ART1: variants seen among roughly 807,000 people sequenced by gnomAD.
The protein encoded by ART1 is ADP-ribosyltransferase 1.
ART1 carries 29 observed loss-of-function variants against 27.0 expected under a neutral mutation model. That is an observed-to-expected ratio of 1.08 (90% CI 0.80 to 1.47). The LOEUF (loss-of-function observed/expected upper bound fraction) is 1.47, where lower values mean the gene tolerates loss of function less well. Among genes scored for constraint, ART1 ranks in the 40% most tolerant of loss-of-function variants. The pLI, the probability that ART1 is intolerant of heterozygous loss-of-function variation, is 0.00. For synonymous variants in ART1, 201 were observed against 172.2 expected (o/e 1.17, Z -1.31); for missense variants, 480 against 423.0 (o/e 1.13, Z -1.18).
At chr11:3,662,299 G>C (rs986114026) in intron 4 of ART1, among the ~76,000 whole-genome samples, 7 of 151,986 alleles carry the variant, frequency 4.6e-5, no homozygotes, top group Non-Finnish European at 1.0e-4. Flanking sequence ...CTCTTCCCTC[G>C]GACACTTGGT....
intron 1 of ART1, among the ~76,000 whole-genome samples, chr11:3,649,678 G>C (rs1200760974): frequency 6.6e-6 from 1 of 152,070 alleles, no homozygotes; most frequent in South Asian, 2.1e-4. Context: ...CACCCGGTCT[G>C]GTTTACCATT....
intron 1 of ART1, among the ~76,000 whole-genome samples, chr11:3,655,315 A>C (rs2077564155): frequency 8.1e-6 from 1 of 122,802 alleles, no homozygotes; most frequent in South Asian, 2.4e-4. Context: ...CAAGTCAGGG[A>C]GCGGCAAAGT....
chr11:3,646,818 C>T (rs955946170), intron 1 of ART1, among the ~76,000 whole-genome samples: 3 of 152,126 alleles, frequency 2.0e-5, no homozygotes, highest in African/African-American at 7.2e-5. Context: ...CCTCCAAACC[C>T]GATCATTCAT....
intron 4 of ART1, 77 bp downstream of exon 4, chr11:3,661,490 C>CTCTT: frequency 3.1e-6 from 1 of 318,502 alleles, no homozygotes. Flanking sequence ...TCACCTCGAT[C>CTCTT]TTTTTTTTTT....
At chr11:3,651,003 CT>C (rs1321466530) in intron 1 of ART1, among the ~76,000 whole-genome samples, 1 of 151,980 alleles carries the variant, frequency 6.6e-6, no homozygotes, top group African/African-American at 2.4e-5. Context: ...CTTTTAAAGC[CT>C]ATAAACTCTC....
chr11:3,655,213 G>C (rs773291945), intron 1 of ART1, among the ~76,000 whole-genome samples: 2 of 152,154 alleles, frequency 1.3e-5, no homozygotes, highest in Non-Finnish European at 2.9e-5. Flanking sequence ...ATCTTCCAAA[G>C]AAAAGACTCT....
chr11:3,649,561 G>C (rs117464335), intron 1 of ART1, among the ~76,000 whole-genome samples: 1 of 152,086 alleles, frequency 6.6e-6, no homozygotes, highest in Non-Finnish European at 1.5e-5. Flanking sequence ...CCCGTCTGAC[G>C]TCTCCCCTCC....
intron 4 of ART1, among the ~76,000 whole-genome samples, chr11:3,662,806 T>C (rs899326303): frequency 2.0e-5 from 3 of 152,208 alleles, no homozygotes; most frequent in Non-Finnish European, 4.4e-5. Flanking sequence ...ATTGTGCCAT[T>C]GCACTCCAGC....
At chr11:3,658,641 C>T (rs2077593014) in intron 1 of ART1, among the ~76,000 whole-genome samples, 1 of 152,168 alleles carries the variant, frequency 6.6e-6, no homozygotes, top group South Asian at 2.1e-4. Context: ...GGACCAAGCC[C>T]TGCTCTAAGT....
chr11:3,650,430 C>T (rs1042765143), intron 1 of ART1, among the ~76,000 whole-genome samples: 1 of 152,204 alleles, frequency 6.6e-6, no homozygotes, highest in South Asian at 2.1e-4. Flanking sequence ...CCGATTGCCT[C>T]GGAAGCCCCC....
chr11:3,650,579 G>T (rs1307383393), intron 1 of ART1, among the ~76,000 whole-genome samples: 1 of 152,108 alleles, frequency 6.6e-6, no homozygotes, highest in Non-Finnish European at 1.5e-5. Context: ...CATAACTGTT[G>T]TGGGTATTGA....
chr11:3,650,628 A>G (rs113445445), intron 1 of ART1, among the ~76,000 whole-genome samples: 5,152 of 152,138 alleles, frequency 0.034, 290 homozygotes, highest in African/African-American at 0.12. Context: ...CCCCAACTCT[A>G]GTGCCAACTT....
rs1218312817 is a variant in ART1, at chr11:3,659,589, A to G, written c.70A>G (p.Ser24Gly). 2 of 1,598,812 alleles carry G rather than the reference A, an allele frequency of 1.3e-6. No individual in the cohort carries two copies. The highest frequency in any genetic ancestry group is 1.3e-5 in the African/African-American group (1 of 74,836). ...VGLMEALQAQ[S>G]HPITRRDLFS... ...GCTACTCCTGTCCCCTCAGGCCCAG[A>G]GCCACCCCATCACACGACGAGACCT... is the stretch of plus-strand genomic sequence containing the variant. Residue 24 changes from serine to glycine, a missense_variant, in exon 3 of 5, where the codon AGC becomes GGC. Coordinates refer to ENST00000250693, the MANE Select transcript of ART1 (RefSeq NM_004314.3).
intron 1 of ART1, among the ~76,000 whole-genome samples, chr11:3,658,085 C>T (rs2077587667): frequency 6.6e-6 from 1 of 152,152 alleles, no homozygotes; most frequent in South Asian, 2.1e-4. Context: ...GTAATCCCAA[C>T]ATTTTGGGAG....
At chr11:3,661,063 A>G (rs559521395) in intron 3 of ART1, among the ~76,000 whole-genome samples, 3 of 152,292 alleles carry the variant, frequency 2.0e-5, no homozygotes, top group African/African-American at 7.2e-5. Flanking sequence ...TGCAAAGAAA[A>G]CAAACCAGGC....
chr11:3,647,644 A>C (rs555483608), intron 1 of ART1, among the ~76,000 whole-genome samples: 8 of 145,598 alleles, frequency 5.5e-5, no homozygotes, highest in East Asian at 3.9e-4. Context: ...AAAATAAATA[A>C]ATAATATATA....
At chr11:3,663,736 T>C (rs528817927) in intron 4 of ART1, 18 of 210,018 alleles carry the variant, frequency 8.6e-5, no homozygotes, top group Non-Finnish European at 1.6e-4. Context: ...ACTACAGATA[T>C]ATGCCACTAC....
intron 1 of ART1, among the ~76,000 whole-genome samples, chr11:3,649,063 C>A (rs1352211811): frequency 6.6e-6 from 1 of 151,956 alleles, no homozygotes; most frequent in Non-Finnish European, 1.5e-5. Context: ...ATTTCCACGC[C>A]CTGACCCCTT....
chr11:3,650,879 C>A (rs1274463453), intron 1 of ART1, among the ~76,000 whole-genome samples: 1 of 138,044 alleles, frequency 7.2e-6, no homozygotes, highest in East Asian at 2.0e-4. Flanking sequence ...TCATGCACCC[C>A]TTACCATCCC....
Sources: allele counts gnomAD v4.1 joint callset (sites outside exome capture counted in the v4.1 genomes callset), GRCh38; gene constraint gnomAD v4.1.1; transcripts MANE v1.5; gene names NCBI Gene and HGNC (gene_info 2026-07-23, HGNC 2026-07-21).